TRMT1: variants seen among roughly 807,000 people sequenced by gnomAD.
TRMT1 encodes the protein tRNA (guanine(26)-N(2))-dimethyltransferase.
Under a neutral mutation model 75.4 loss-of-function variants are expected in TRMT1, and 63 were observed. That is an observed-to-expected ratio of 0.84 (90% CI 0.68 to 1.03). The LOEUF (loss-of-function observed/expected upper bound fraction) is 1.03. Ranked by LOEUF, TRMT1 falls within the 50% of genes least tolerant of loss-of-function variation. The probability of loss-of-function intolerance (pLI) is 0.00; values close to 1 mark genes in which losing one functional copy is unlikely to be tolerated. For synonymous variants in TRMT1, 382 were observed against 358.1 expected, an observed-to-expected ratio of 1.07 and a Z score of -0.75; for missense variants, 870 against 905.3, an observed-to-expected ratio of 0.96 and a Z score of 0.50.
chr19:13,105,779 G>A (rs2018841083), intron 14 of TRMT1, among the ~76,000 whole-genome samples, 173 bp from the exon 15 acceptor site: 1 of 152,256 alleles, frequency 6.6e-6, no homozygotes, highest in East Asian at 1.9e-4. Context: ...ATGGGGTCTC[G>A]GCCAGGCACG....
Position 13,116,346 on chromosome 19 carries a change from G to A in TRMT1, c.54C>T (p.Leu18=), listed in dbSNP as rs546409804. ...GCCACTCGAAAAACCGGGCTCTAGA[G>A]AGCACCCGGGCGGAGCGGAAAGTGA... is the stretch of plus-strand genomic sequence containing the variant. ...LSLTFRSARV[L]SRARFFEWQS... The change falls in exon 2 of 17, where the codon CTC becomes CTT. Residue 18 remains leucine, a synonymous_variant. Transcript: ENST00000357720. The A allele has an allele frequency of 6.2e-6, 10 of 1,613,376 alleles. No homozygotes were observed. Among genetic ancestry groups the A allele is most frequent in the South Asian group, 4.4e-5 (4 of 91,078 alleles).
In TRMT1 at chr19:13,116,054, T is replaced by C; in HGVS notation, c.255-2A>G. 6.2e-7 allele frequency: 1 copy of C among 1,614,034 alleles called. No individual in the cohort carries two copies. The highest frequency in any genetic ancestry group is 8.5e-7 in the Non-Finnish European group (1 of 1,180,010). Reference sequence around the variant, plus strand: ...GCAAACTCGGTGATCACAGCACATCTGGTGGGAGACAGAGGACTAGCTCAT... The same window carrying C: ...GCAAACTCGGTGATCACAGCACATCCGGTGGGAGACAGAGGACTAGCTCAT... On this transcript the variant is annotated splice_acceptor_variant, in intron 2 of 16. Transcript: ENST00000357720. LOFTEE classifies it high-confidence loss of function.
chr19:13,108,513 G>A (rs978604751), intron 12 of TRMT1, among the ~76,000 whole-genome samples: 20 of 143,576 alleles, frequency 1.4e-4, no homozygotes, highest in African/African-American at 4.7e-4. Context: ...GGCTGGTCTC[G>A]AACTCCTGGC....
At chr19:13,105,656 G>C (rs770809316) in intron 14 of TRMT1, 50 bp from the exon 15 acceptor site, 25 of 1,562,130 alleles carry the variant, frequency 1.6e-5, no homozygotes, top group South Asian at 1.4e-4. Flanking sequence ...TGCCACACGA[G>C]TGTGTCCCCA....
At position 13,109,779 on chromosome 19, in the gene TRMT1, TGCCCACAGTGTTCACACTCG is replaced by T. The variant is rs760501133; in HGVS notation, c.1146_1165del (p.Glu383ThrfsTer15). 1 of 1,614,096 alleles carries T rather than the reference TGCCCACAGTGTTCACACTCG, an allele frequency of 6.2e-7. No homozygotes were observed. The highest frequency in any genetic ancestry group is 8.5e-7 in the Non-Finnish European group (1 of 1,180,002). The stretch of plus-strand genomic sequence containing the variant: ...CTGGCCTAGCCCTACCTGGTGTCGT[TGCCCACAGTGTTCACACTCG>T]GGGGTCACAGGGGGACCACAGGCTG... On this transcript the variant is annotated frameshift_variant, in exon 10 of 17. Transcript: ENST00000357720. LOFTEE classifies it high-confidence loss of function.
chr19:13,109,952 G>T lies in TRMT1; in HGVS notation c.1069C>A (p.Gln357Lys), dbSNP rs2019072059. 1 of 1,613,884 alleles carries T rather than the reference G, an allele frequency of 6.2e-7. No homozygotes were observed. Among genetic ancestry groups the T allele is most frequent in the Admixed American group, 1.7e-5 (1 of 60,030 alleles). The change falls in exon 9 of 17, where the codon CAG becomes AAG. Residue 357 changes from glutamine to lysine, a missense_variant. Coordinates refer to ENST00000357720, the MANE Select transcript of TRMT1 (RefSeq NM_001136035.4). ...ACTCCTGACGCTTTGCCGAGACGCT[G>T]AAGGTGGAAGGCCCCGCAGCCCACA... ...QCVGCGAFHL[Q>K]RLGKASGVPS...
chr19:13,110,724 T>C (rs777795251), intron 7 of TRMT1, among the ~76,000 whole-genome samples: 1 of 152,106 alleles, frequency 6.6e-6, no homozygotes, highest in Non-Finnish European at 1.5e-5. Flanking sequence ...TCCCAGCACT[T>C]TGGGAGGCTG....
At chr19:13,110,965 A>T (rs1401767267) in intron 7 of TRMT1, among the ~76,000 whole-genome samples, 1 of 152,170 alleles carries the variant, frequency 6.6e-6, no homozygotes, top group African/African-American at 2.4e-5. Flanking sequence ...AAGAAAAAAA[A>T]GCAAAACGGC....
In TRMT1 at chr19:13,112,423, T is replaced by A. The variant is rs184514263; in HGVS notation, c.870+282A>T. 9.9e-4 allele frequency among the ~76,000 whole-genome samples: 151 copies of A among 151,844 alleles called. 3 individuals are homozygous for A. In the Middle Eastern group the frequency reaches 0.031, roughly 31 times the overall value. The stretch of plus-strand genomic sequence containing the variant: ...GGAAAAACGACCTTTAAAAAAAAAA[T>A]TTTTTTTTGAAAAGTTGTTTTAATA... On this transcript the variant is annotated intron_variant, in intron 7 of 16. Coordinates refer to ENST00000357720, the MANE Select transcript of TRMT1 (RefSeq NM_001136035.4).
chr19:13,105,704 G>C, intron 14 of TRMT1, 98 bp from the exon 15 acceptor site: 1 of 1,205,058 alleles, frequency 8.3e-7, no homozygotes, highest in Non-Finnish European at 1.2e-6. Flanking sequence ...AACACAGCAC[G>C]AGGTGTCTGC....
Position 13,109,454 on chromosome 19 carries a change from C to A in TRMT1, c.1324G>T (p.Val442Leu). 6.2e-7 allele frequency: 1 copy of A among 1,613,796 alleles called. No homozygotes were observed. Among genetic ancestry groups the A allele is most frequent in the Non-Finnish European group, 8.5e-7 (1 of 1,179,998 alleles). The stretch of plus-strand genomic sequence containing the variant: ...TGGTCCAGGGTGTAGTACAGAGGCA[C>A]GTCCGGGAGCTCCTGCGATGGGGGA... ...LSVITEELPD[V>L]PLYYTLDQLS... The change falls in exon 12 of 17, where the codon GTG (valine) becomes TTG (leucine). Residue 442 changes from valine to leucine, a missense_variant. Coordinates refer to ENST00000357720, the MANE Select transcript of TRMT1 (RefSeq NM_001136035.4).
chr19:13,107,628 C>T lies in TRMT1; in HGVS notation c.1529G>A (p.Arg510Gln), dbSNP rs781032710. The T allele has an allele frequency of 2.1e-5, 34 of 1,608,200 alleles. No individual in the cohort carries two copies. The highest frequency in any genetic ancestry group is 1.3e-4 in the East Asian group (6 of 44,770). ...TGGGCTAGTCTCTGATAGTCGCTCC[C>T]GTTTCACCGGACATTCCTTCTCCTG... Reference protein sequence around the residue: ...RCWEKECPVKRERLSETSPAF... With the variant: ...RCWEKECPVKQERLSETSPAF... Residue 510 changes from arginine to glutamine, a missense_variant, in exon 14 of 17, where the codon CGG (arginine) becomes CAG (glutamine). Physicochemically the swap from Arg to Gln is conservative, Grantham distance 43. Coordinates refer to ENST00000357720, the MANE Select transcript of TRMT1 (RefSeq NM_001136035.4).
chr19:13,113,025 G>A lies in TRMT1; in HGVS notation c.642-14C>T, dbSNP rs1330127118. 1.3e-6 allele frequency: 2 copies of A among 1,597,272 alleles called. No homozygotes were observed. Among genetic ancestry groups the A allele is most frequent in the East Asian group, 2.2e-5 (1 of 44,648 alleles). On this transcript the variant is annotated splice_polypyrimidine_tract_variant and intron_variant, in intron 5 of 16. Coordinates refer to ENST00000357720, the MANE Select transcript of TRMT1 (RefSeq NM_001136035.4). ...TACATCAGCATCCTGGGTGCAAAGA[G>A]GGCCAGGTCCTCAGCCTCCCACGCC...
intron 12 of TRMT1, 47 bp from the exon 13 acceptor site, chr19:13,107,906 C>G: frequency 6.6e-7 from 1 of 1,513,050 alleles, no homozygotes; most frequent in Middle Eastern, 1.7e-4. Flanking sequence ...CTCCTTGACC[C>G]CAAAGCCCAA....
intron 7 of TRMT1, 147 bp downstream of exon 7, chr19:13,112,558 C>T (rs1259652702): frequency 1.2e-5 from 8 of 683,636 alleles, no homozygotes; most frequent in Non-Finnish European, 2.0e-5. Context: ...GTTGAAGACA[C>T]GCCTGTCGTT....
intron 8 of TRMT1, 67 bp from the exon 9 acceptor site, chr19:13,110,068 T>C (rs372315191): frequency 3.9e-5 from 63 of 1,611,402 alleles, no homozygotes; most frequent in Non-Finnish European, 3.1e-5. Context: ...TCCCTTAGAC[T>C]GGCTCTGTCC....
At position 13,107,841 on chromosome 19, in the gene TRMT1, A is replaced by G. The variant is rs761122133; in HGVS notation, c.1416T>C (p.Ala472=). 6 of 1,551,682 alleles carry G rather than the reference A, an allele frequency of 3.9e-6. No individual in the cohort carries two copies. The highest frequency in any genetic ancestry group is 4.4e-6 in the Non-Finnish European group (5 of 1,146,950). Residue 472 remains alanine (A), a synonymous_variant, in exon 13 of 17, where the codon GCT becomes GCC. Coordinates refer to ENST00000357720, the MANE Select transcript of TRMT1 (RefSeq NM_001136035.4). ...CGTGGGAGAGTGAGACCCGGAAGTCAGCGTGGAGGAGGGCCGACCTGGGGA... is the reference window on the plus strand; with the variant it reads ...CGTGGGAGAGTGAGACCCGGAAGTCGGCGTGGAGGAGGGCCGACCTGGGGA... ...LLQLRSALLH[A]DFRVSLSHAC... is the part of the protein sequence containing the mutation.
At chr19:13,113,416 G>A (rs111424432) in intron 5 of TRMT1, among the ~76,000 whole-genome samples, 1,905 of 151,856 alleles carry the variant, frequency 0.013, 45 homozygotes, top group African/African-American at 0.044. Context: ...CATCCACCTC[G>A]GCCTCCCAAA....
chr19:13,116,446 G>C lies in TRMT1; in HGVS notation c.-32-15C>G. On this transcript the variant is annotated splice_polypyrimidine_tract_variant and intron_variant, in intron 1 of 16. Coordinates refer to ENST00000357720, the MANE Select transcript of TRMT1 (RefSeq NM_001136035.4). ...GCCCGCCAAGCCTGGTTCGGGGGGC[G>C]GGGGAGGGCACAGAGAGGGTCAGAG... is the stretch of plus-strand genomic sequence containing the variant. 1 of 1,573,984 alleles carries C rather than the reference G, an allele frequency of 6.4e-7. No homozygotes were observed. The highest frequency in any genetic ancestry group is 8.6e-7 in the Non-Finnish European group (1 of 1,163,478).
Sources: allele counts gnomAD v4.1 joint callset (sites outside exome capture counted in the v4.1 genomes callset), GRCh38; gene constraint gnomAD v4.1.1; transcripts MANE v1.5; gene names NCBI Gene and HGNC (gene_info 2026-07-23, HGNC 2026-07-21).